PCDHGA8: variants seen among roughly 807,000 people sequenced by gnomAD.
PCDHGA8 encodes the protein protocadherin gamma-A8.
A neutral mutation model predicts 59.2 loss-of-function variants in PCDHGA8; 45 were observed. The ratio of observed to expected loss-of-function variants is 0.76; its 90% CI spans 0.60 to 0.98. The LOEUF (loss-of-function observed/expected upper bound fraction) is 0.98. Ranked by LOEUF, PCDHGA8 falls within the 50% of genes least tolerant of loss-of-function variation. PCDHGA8 has a pLI of 0.00. For missense variants in PCDHGA8, 1,257 were observed against 1,196.2 expected (o/e 1.05, Z -0.75); for synonymous variants, 531 against 519.0 (o/e 1.02, Z -0.32).
chr5:141,418,178 G>A, intron 1 of PCDHGA8: 1 of 1,614,080 alleles, frequency 6.2e-7, no homozygotes, highest in Non-Finnish European at 8.5e-7. Flanking sequence ...GTTGCAATTG[G>A]AAGCTGTGGT....
In PCDHGA8 at chr5:141,487,218, C is replaced by G. The variant is rs2099641338; in HGVS notation, c.2425-7589C>G. The stretch of plus-strand genomic sequence containing the variant: ...CCAGATCTTCGAGAATCTTCAGCTC[C>G]AAGGGAAGGAGAATCTCGTCTAACC... On this transcript the variant is annotated intron_variant, in intron 1 of 3. Transcript: ENST00000398604. The surrounding 1 kb of genome is among the most constrained non-coding windows in gnomAD (Gnocchi z 5.0). 1 of 1,613,820 alleles carries G rather than the reference C, an allele frequency of 6.2e-7. No homozygotes were observed. The highest frequency in any genetic ancestry group is 1.1e-5 in the South Asian group (1 of 91,078).
At chr5:141,407,961 A>C in intron 1 of PCDHGA8, 1 of 672,320 alleles carries the variant, frequency 1.5e-6, no homozygotes, top group Non-Finnish European at 2.4e-6. Context: ...AGTGCAGAGC[A>C]AGCGCTGACG....
In PCDHGA8 at chr5:141,408,560, A is replaced by G. The variant is rs368143982; in HGVS notation, c.2424+13323A>G. The G allele has an allele frequency of 6.3e-5, 102 of 1,613,910 alleles. No homozygotes were observed. Among genetic ancestry groups the G allele is most frequent in the Non-Finnish European group, 8.4e-5 (99 of 1,179,898 alleles). On this transcript the variant is annotated intron_variant, in intron 1 of 3. Coordinates refer to ENST00000398604, the MANE Select transcript of PCDHGA8 (RefSeq NM_032088.2). ...AAATCCTTTAAATATTTTTCATGTC[A>G]TTGTGGTGATTGAGGATGTTAATGA... is the stretch of plus-strand genomic sequence containing the variant.
chr5:141,424,966 T>G (rs913951031), intron 1 of PCDHGA8, among the ~76,000 whole-genome samples: 17 of 152,174 alleles, frequency 1.1e-4, no homozygotes, highest in African/African-American at 3.9e-4. Flanking sequence ...TTGCCCCAAA[T>G]TACTTGGATA....
At chr5:141,418,844 A>G (rs781310201) in intron 1 of PCDHGA8, 2 of 1,613,936 alleles carry the variant, frequency 1.2e-6, no homozygotes, top group South Asian at 2.2e-5. Context: ...ATCTCTCTCA[A>G]CACGGTGTAA....
rs2093981639 is a variant in PCDHGA8 at position 141,400,215 on chromosome 5, A to G, written c.2424+4978A>G. On this transcript the variant is annotated intron_variant, in intron 1 of 3. Transcript: ENST00000398604. ...TAGTGGTGGCCTTGGCCTTGATCTC[A>G]GTGCTCTTCCTCCTGGCCGTGATTC... 3 of 1,613,736 alleles carry G rather than the reference A, an allele frequency of 1.9e-6. No individual in the cohort carries two copies. The East Asian group carries it at 6.7e-5, about 36-fold the overall frequency.
chr5:141,494,441 C>T (rs1187169994), intron 1 of PCDHGA8, among the ~76,000 whole-genome samples: 2 of 152,154 alleles, frequency 1.3e-5, no homozygotes, highest in African/African-American at 4.8e-5. Context: ...TCCTTTGCCA[C>T]TTTAGGGGGC....
At chr5:141,422,287 A>G in intron 1 of PCDHGA8, 3 of 1,553,500 alleles carry the variant, frequency 1.9e-6, no homozygotes, top group South Asian at 1.3e-5. Context: ...CACCTCTTCT[A>G]TTAATTCAAT....
rs757924501 is a variant in PCDHGA8, at chr5:141,490,548, A to G, written c.2425-4259A>G. 1.2e-6 allele frequency: 2 copies of G among 1,614,084 alleles called. No individual in the cohort carries two copies. Among genetic ancestry groups the G allele is most frequent in the South Asian group, 2.2e-5 (2 of 91,080 alleles). ...ATGCTGGTTCACCTTCCCTACACAA[A>G]CATCTCACCATCAGGCTCAACATTT... On this transcript the variant is annotated intron_variant, in intron 1 of 3. Transcript: ENST00000398604. This position sits in a 1 kb window ranked among gnomAD's most constrained non-coding sequence, Gnocchi z 5.4.
In PCDHGA8 at chr5:141,485,556, A is replaced by T; in HGVS notation, c.2425-9251A>T. On this transcript the variant is annotated intron_variant, in intron 1 of 3. Coordinates refer to ENST00000398604, the MANE Select transcript of PCDHGA8 (RefSeq NM_032088.2). This position sits in a 1 kb window ranked among gnomAD's most constrained non-coding sequence, Gnocchi z 5.7. ...GAGGTAGAGATCGTAGATGTGAATG[A>T]TCACGCCCCCCGTTTTCCGCGGCAG... is the stretch of plus-strand genomic sequence containing the variant. The T allele has an allele frequency of 6.2e-7, 1 of 1,613,664 alleles. No homozygotes were observed. Among genetic ancestry groups the T allele is most frequent in the Non-Finnish European group, 8.5e-7 (1 of 1,179,644 alleles).
intron 2 of PCDHGA8, among the ~76,000 whole-genome samples, chr5:141,503,269 C>A (rs1161751693): frequency 6.6e-6 from 1 of 152,116 alleles, no homozygotes; most frequent in Non-Finnish European, 1.5e-5. Context: ...ACCCCAGCAC[C>A]TGGCTCTGTG....
At chr5:141,399,991 G>T (rs1226741326) in intron 1 of PCDHGA8, 3 of 1,612,304 alleles carry the variant, frequency 1.9e-6, no homozygotes, top group Admixed American at 3.3e-5. Context: ...CACAGGAGAG[G>T]TGCGCACAGC....
At chr5:141,416,004 A>G (rs1225801773) in intron 1 of PCDHGA8, 2 of 254,264 alleles carry the variant, frequency 7.9e-6, no homozygotes, top group Non-Finnish European at 1.4e-5. Flanking sequence ...CAGGTCTGGT[A>G]AGAATAGGTA....
intron 1 of PCDHGA8, chr5:141,426,610 C>G (rs1376781969): frequency 2.6e-6 from 1 of 382,832 alleles, no homozygotes; most frequent in Non-Finnish European, 5.3e-6. Context: ...GAGATTGTAG[C>G]AGAGAATCCT....
chr5:141,457,422 T>C (rs2098920028), intron 1 of PCDHGA8, among the ~76,000 whole-genome samples: 1 of 151,626 alleles, frequency 6.6e-6, no homozygotes. Flanking sequence ...CATCCCTTTT[T>C]CCCCCCCACC....
chr5:141,400,106 T>A (rs771937544), intron 1 of PCDHGA8: 1 of 1,613,950 alleles, frequency 6.2e-7, no homozygotes, highest in African/African-American at 1.3e-5. Context: ...CACTTGGTCT[T>A]TGCTGACAGC....
intron 1 of PCDHGA8, among the ~76,000 whole-genome samples, chr5:141,474,136 G>A (rs1383142266): frequency 1.3e-5 from 2 of 152,056 alleles, no homozygotes; most frequent in East Asian, 3.8e-4. Context: ...AAAACTACAG[G>A]CCTTATTATC....
At chr5:141,478,725 A>C (rs2099473537) in intron 1 of PCDHGA8, 1 of 1,542,096 alleles carries the variant, frequency 6.5e-7, no homozygotes. Flanking sequence ...GGCCTGCCAG[A>C]GTGTGGTTTG....
rs376526750 is a variant in PCDHGA8 at position 141,476,593 on chromosome 5, G to T, written c.2425-18214G>T. The T allele has an allele frequency of 8.5e-5, 138 of 1,614,104 alleles. No individual in the cohort carries two copies. The highest frequency in any genetic ancestry group is 1.1e-4 in the Non-Finnish European group (133 of 1,180,044). On this transcript the variant is annotated intron_variant, in intron 1 of 3. Transcript: ENST00000398604. The surrounding 1 kb of genome is among the most constrained non-coding windows in gnomAD (Gnocchi z 7.6). ...GGACGCGCTTTCCGCTCGAGAGCGCGCACGATCCCGATGTGGGAAGCAACT... is the reference window on the plus strand; with the variant it reads ...GGACGCGCTTTCCGCTCGAGAGCGCTCACGATCCCGATGTGGGAAGCAACT...
Sources: gnomAD v4.1 joint callset for allele counts (sites outside exome capture counted in the v4.1 genomes callset) on GRCh38, gnomAD v4.1.1 for gene constraint, Gnocchi (gnomAD v3.1) non-coding constraint, MANE v1.5 for transcripts, NCBI Gene and HGNC (gene_info 2026-07-23, HGNC 2026-07-21) for gene names.